The following LAMA2 variants were observed in gnomAD, a reference collection of about 807,000 sequenced individuals.
The protein encoded by LAMA2 is laminin subunit alpha 2.
A neutral mutation model predicts 364.8 loss-of-function variants in LAMA2; 269 were observed. The ratio of observed to expected loss-of-function variants is 0.74; its 90% CI spans 0.67 to 0.82. The LOEUF (loss-of-function observed/expected upper bound fraction) is 0.82. Ranked by LOEUF, LAMA2 falls within the 40% of genes least tolerant of loss-of-function variation. The pLI, the probability that LAMA2 is intolerant of heterozygous loss-of-function variation, is 0.00. For missense variants in LAMA2, 3,807 were observed against 3,873.2 expected (o/e 0.98, Z 0.45); for synonymous variants, 1,379 against 1,370.6 (o/e 1.01, Z -0.14).
At chr6:129,383,786 G>T (rs1778828468) in intron 35 of LAMA2, among the ~76,000 whole-genome samples, 1 of 151,868 alleles carries the variant, frequency 6.6e-6, no homozygotes, top group Admixed American at 6.6e-5. Context: ...GCCATTTTTT[G>T]GCAAAAGCCC....
rs570144028 is a variant in LAMA2 at position 129,287,254 on chromosome 6, G to A, written c.2538-593G>A. Among the ~76,000 whole-genome samples the A allele has an allele frequency of 9.9e-5, 15 of 151,770 alleles. No individual in the cohort carries two copies. In the South Asian group the frequency reaches 2.9e-3, roughly 29 times the overall value. ...CTTTCTCAGACTTCCCTTTAGTAAA[G>A]CCTTCAATGAAAATTTGCCTCTGAA... On this transcript the variant is annotated intron_variant, in intron 18 of 64. Coordinates refer to ENST00000421865, the MANE Select transcript of LAMA2 (RefSeq NM_000426.4).
Position 129,044,540 on chromosome 6 carries a change from C to A in LAMA2, c.113-5378C>A, listed in dbSNP as rs948152255. On this transcript the variant is annotated intron_variant, in intron 1 of 64. Transcript: ENST00000421865. ...CACATGATATACACTTAGCCTTTTT[C>A]TAGATATCCTATTACCATATATATA... Among the ~76,000 whole-genome samples, 5 of 150,220 alleles carry A rather than the reference C, an allele frequency of 3.3e-5. No homozygotes were observed. In the East Asian group the frequency reaches 9.7e-4, roughly 29 times the overall value.
intron 1 of LAMA2, among the ~76,000 whole-genome samples, chr6:128,926,770 A>G (rs980602788): frequency 4.6e-5 from 7 of 152,184 alleles, no homozygotes; most frequent in Non-Finnish European, 8.8e-5. Flanking sequence ...CACTTTTCCA[A>G]TTAGGAATAT....
At chr6:129,041,903 G>A (rs939274967) in intron 1 of LAMA2, among the ~76,000 whole-genome samples, 4 of 151,878 alleles carry the variant, frequency 2.6e-5, no homozygotes, top group African/African-American at 9.7e-5. Context: ...GGAAGCTGAG[G>A]CAGGAGGATT....
At chr6:129,224,356 G>A (rs1464573029) in intron 12 of LAMA2, among the ~76,000 whole-genome samples, 2 of 152,086 alleles carry the variant, frequency 1.3e-5, no homozygotes, top group Non-Finnish European at 2.9e-5. Context: ...CTGCCTGATT[G>A]CCCTGGCCAG....
At chr6:128,982,712 C>G (rs1413494550) in intron 1 of LAMA2, among the ~76,000 whole-genome samples, 1 of 150,046 alleles carries the variant, frequency 6.7e-6, no homozygotes, top group Non-Finnish European at 1.5e-5. Flanking sequence ...CCCATTAACT[C>G]GTCATTTAGC....
chr6:129,337,013 G>A (rs896898756), intron 29 of LAMA2, among the ~76,000 whole-genome samples: 3 of 152,168 alleles, frequency 2.0e-5, no homozygotes, highest in East Asian at 1.9e-4. Flanking sequence ...TTGAACTCAG[G>A]TAAGCTCACT....
intron 16 of LAMA2, among the ~76,000 whole-genome samples, chr6:129,268,771 TGATAAA>T (rs1787709293): frequency 6.6e-6 from 1 of 152,056 alleles, no homozygotes; most frequent in Non-Finnish European, 1.5e-5. Flanking sequence ...GACATCTTGA[TGATAAA>T]GACAGAATCT....
At chr6:128,973,715 T>G (rs962558404) in intron 1 of LAMA2, among the ~76,000 whole-genome samples, 2 of 152,084 alleles carry the variant, frequency 1.3e-5, no homozygotes, top group African/African-American at 4.8e-5. Flanking sequence ...AGGATGGATA[T>G]AAACTGTTTT....
At chr6:129,388,078 C>G (rs971337177) in intron 35 of LAMA2, among the ~76,000 whole-genome samples, 9 of 151,906 alleles carry the variant, frequency 5.9e-5, no homozygotes, top group Non-Finnish European at 1.3e-4. Context: ...GCCAACATGG[C>G]AAAACCCCAT....
At chr6:129,374,205 A>G (rs1445086382) in intron 34 of LAMA2, among the ~76,000 whole-genome samples, 7 of 152,208 alleles carry the variant, frequency 4.6e-5, no homozygotes, top group Non-Finnish European at 1.0e-4. Flanking sequence ...ATTAATACAG[A>G]TGGAATTATA....
intron 53 of LAMA2, 101 bp from the exon 54 acceptor site, chr6:129,478,592 C>A: frequency 8.3e-7 from 1 of 1,206,314 alleles, no homozygotes; most frequent in Non-Finnish European, 1.2e-6. Flanking sequence ...AGACATGTGC[C>A]TGCATGTGTC....
At chr6:129,177,544 T>C (rs1780667594) in intron 9 of LAMA2, among the ~76,000 whole-genome samples, 162 bp from the exon 10 acceptor site, 1 of 152,248 alleles carries the variant, frequency 6.6e-6, no homozygotes, top group Admixed American at 6.5e-5. Context: ...AAGCTTTTAA[T>C]TAAACCCTCT....
chr6:129,330,591 G>GTTTTTTTTTTTTT lies in LAMA2; in HGVS notation c.4311+2179_4311+2180insTTTTTTTTTTTTT, dbSNP rs1491387157. Among the ~76,000 whole-genome samples, 25 of 83,818 alleles carry GTTTTTTTTTTTTT rather than the reference G, an allele frequency of 3.0e-4. 1 individual carries two copies. The highest frequency in any genetic ancestry group is 8.7e-4 in the South Asian group (2 of 2,296). 55.0% of individuals were successfully genotyped at this position (83,818 alleles called of 152,430 possible). On this transcript the variant is annotated intron_variant, in intron 29 of 64. Coordinates refer to ENST00000421865, the MANE Select transcript of LAMA2 (RefSeq NM_000426.4). ...TTGAAGCGTTTTTTTGTTGTTGTTT[G>GTTTTTTTTTTTTT]GTTTTTGTTTTTTTTTTTTTTTTTC...
intron 6 of LAMA2, among the ~76,000 whole-genome samples, chr6:129,148,121 T>C (rs1486498789): frequency 6.6e-6 from 1 of 152,042 alleles, no homozygotes; most frequent in East Asian, 1.9e-4. Context: ...ACTGTTATTT[T>C]ATTTGGAGGA....
intron 51 of LAMA2, among the ~76,000 whole-genome samples, chr6:129,467,904 G>A (rs1300724964): frequency 6.6e-6 from 1 of 151,750 alleles, no homozygotes; most frequent in Admixed American, 6.6e-5. Flanking sequence ...GATTTTACTA[G>A]AGCTACTAAC....
At chr6:129,076,369 A>C (rs1340762798) in intron 3 of LAMA2, among the ~76,000 whole-genome samples, 1 of 149,168 alleles carries the variant, frequency 6.7e-6, no homozygotes, top group Non-Finnish European at 1.5e-5. Flanking sequence ...CAGGTCTTGG[A>C]AATACCTAAA....
intron 61 of LAMA2, 78 bp from the exon 62 acceptor site, chr6:129,507,411 C>A: frequency 1.4e-6 from 2 of 1,454,538 alleles, no homozygotes; most frequent in Non-Finnish European, 9.7e-7. Context: ...ATAGAGCACC[C>A]TGCAAATGAC....
intron 60 of LAMA2, among the ~76,000 whole-genome samples, chr6:129,504,813 A>G (rs75861466): frequency 0.015 from 2,296 of 152,334 alleles, 58 homozygotes; most frequent in African/African-American, 0.052. Flanking sequence ...TCTTTGCTCA[A>G]TCAAACTAAT....
Sources: gnomAD v4.1 joint callset for allele counts (sites outside exome capture counted in the v4.1 genomes callset) on GRCh38, gnomAD v4.1.1 for gene constraint, MANE v1.5 for transcripts, NCBI Gene and HGNC (gene_info 2026-07-23, HGNC 2026-07-21) for gene names.